KCNQ2: variants seen among roughly 807,000 people sequenced by gnomAD.
KCNQ2 encodes potassium voltage-gated channel subfamily KQT member 2.
In KCNQ2, 14 loss-of-function variants were observed where a neutral mutation model predicts 84.8. The ratio of observed to expected loss-of-function variants is 0.17; its 90% CI spans 0.11 to 0.26. KCNQ2 has a LOEUF of 0.26. Ranked by LOEUF, KCNQ2 falls within the 10% of genes least tolerant of loss-of-function variation. The pLI is 1.00. For missense variants in KCNQ2, 788 were observed against 1,254.0 expected (o/e 0.63, Z 5.61); for synonymous variants, 599 against 554.1 (o/e 1.08, Z -1.14).
At chr20:63,439,099 G>A (rs960169358) in intron 6 of KCNQ2, among the ~76,000 whole-genome samples, 2 of 152,184 alleles carry the variant, frequency 1.3e-5, no homozygotes, top group Non-Finnish European at 2.9e-5. Context: ...AGAGTCTGCA[G>A]GCCCATCTTG....
At chr20:63,472,071 G>C (rs1039212136) in intron 1 of KCNQ2, 97 bp downstream of exon 1, 2 of 920,628 alleles carry the variant, frequency 2.2e-6, no homozygotes, top group Non-Finnish European at 1.6e-6. Context: ...GGGGCAGGGA[G>C]CCAAACCCGC....
chr20:63,444,858 T>C, intron 3 of KCNQ2, 24 bp from the exon 4 acceptor site: 2 of 1,570,340 alleles, frequency 1.3e-6, no homozygotes, highest in Non-Finnish European at 1.7e-6. Flanking sequence ...GTGGAGCTGG[T>C]GAGCTGCTGG....
intron 11 of KCNQ2, 42 bp downstream of exon 11, chr20:63,424,135 G>T: frequency 1.3e-6 from 2 of 1,551,530 alleles, no homozygotes; most frequent in Non-Finnish European, 1.7e-6. Context: ...CCAGACGGCC[G>T]TGCACACGGC....
intron 12 of KCNQ2, among the ~76,000 whole-genome samples, chr20:63,416,359 C>T (rs1393872080): frequency 1.3e-5 from 2 of 152,188 alleles, no homozygotes; most frequent in African/African-American, 4.8e-5. Context: ...CTCCAGCGTC[C>T]GCCGGGCGAC....
chr20:63,416,838 G>A (rs921839569), intron 12 of KCNQ2, among the ~76,000 whole-genome samples: 8 of 152,192 alleles, frequency 5.3e-5, no homozygotes, highest in East Asian at 3.9e-4. Context: ...CTGGACACGC[G>A]GATCGCTTGG....
chr20:63,442,932 TCACCAC>T (rs768968500), intron 4 of KCNQ2, among the ~76,000 whole-genome samples: 2 of 10,578 alleles, frequency 1.9e-4, no homozygotes, highest in Non-Finnish European at 3.9e-4. Flanking sequence ...ACCATCACCA[TCACCAC>T]CACCATCACC....
chr20:63,413,707 C>G, intron 14 of KCNQ2, 126 bp from the exon 15 acceptor site: 2 of 1,031,728 alleles, frequency 1.9e-6, no homozygotes, highest in Non-Finnish European at 2.9e-6. Flanking sequence ...TCTTGTCTGC[C>G]GCCCACCAGC....
At chr20:63,413,769 G>T (rs997507713) in intron 14 of KCNQ2, among the ~76,000 whole-genome samples, 188 bp from the exon 15 acceptor site, 1 of 152,162 alleles carries the variant, frequency 6.6e-6, no homozygotes, top group East Asian at 1.9e-4. Flanking sequence ...GGACAGGTGG[G>T]GCTTGCAGGC....
chr20:63,413,642 G>A, intron 14 of KCNQ2, 61 bp from the exon 15 acceptor site: 3 of 1,603,246 alleles, frequency 1.9e-6, no homozygotes, highest in Non-Finnish European at 1.7e-6. Flanking sequence ...ACAGGCACCA[G>A]GACCTTCCTA....
chr20:63,414,833 G>A lies in KCNQ2; in HGVS notation c.1525+70C>T, dbSNP rs2080233867. On this transcript the variant is annotated intron_variant, in intron 13 of 16. Coordinates refer to ENST00000359125, the MANE Select transcript of KCNQ2 (RefSeq NM_172107.4). This position sits in a 1 kb window ranked among gnomAD's most constrained non-coding sequence, Gnocchi z 6.6. ...AAAGCAGCTGCGACGCCACAGGGTG[G>A]CCACAGTAGCGTGGCCACCACATCC... is the stretch of plus-strand genomic sequence containing the variant. The A allele has an allele frequency of 2.0e-6, 3 of 1,480,028 alleles. No individual in the cohort carries two copies. Among genetic ancestry groups the A allele is most frequent in the South Asian group, 1.1e-5 (1 of 88,532 alleles). 91.7% of individuals were successfully genotyped at this position (1,480,028 alleles called of 1,614,324 possible).
At chr20:63,450,177 C>T (rs1489911977) in intron 1 of KCNQ2, among the ~76,000 whole-genome samples, 3 of 151,410 alleles carry the variant, frequency 2.0e-5, no homozygotes, top group African/African-American at 7.3e-5. Context: ...TCCTCCCCCA[C>T]CCCTCCCTCA....
intron 5 of KCNQ2, among the ~76,000 whole-genome samples, chr20:63,440,521 C>T (rs1392211397): frequency 1.3e-5 from 2 of 152,206 alleles, no homozygotes; most frequent in Non-Finnish European, 2.9e-5. Flanking sequence ...GCACGGAGGC[C>T]ACTCTGGCTA....
intron 1 of KCNQ2, among the ~76,000 whole-genome samples, chr20:63,462,139 C>A (rs1289156227): frequency 2.1e-5 from 3 of 142,332 alleles, no homozygotes; most frequent in African/African-American, 8.0e-5. Flanking sequence ...TGCACCTACC[C>A]CGGGGCAGCA....
At chr20:63,457,500 C>A (rs1037499463) in intron 1 of KCNQ2, among the ~76,000 whole-genome samples, 2 of 152,264 alleles carry the variant, frequency 1.3e-5, no homozygotes, top group Non-Finnish European at 2.9e-5. Context: ...CCCGCCTGCA[C>A]CCACCTGGCA....
intron 11 of KCNQ2, among the ~76,000 whole-genome samples, chr20:63,421,583 G>A (rs1332958863): frequency 1.3e-5 from 2 of 152,210 alleles, no homozygotes; most frequent in Non-Finnish European, 2.9e-5. Context: ...CAGGCCCACA[G>A]TGAGCTCGAG....
At chr20:63,420,705 C>CG (rs1410184772) in intron 11 of KCNQ2, among the ~76,000 whole-genome samples, 1 of 152,086 alleles carries the variant, frequency 6.6e-6, no homozygotes, top group Non-Finnish European at 1.5e-5. Context: ...CTCAGCCGCC[C>CG]GGGTAGGCTG....
rs560916964 is a variant in KCNQ2 at position 63,462,720 on chromosome 20, A to C, written c.296+9448T>G. On this transcript the variant is annotated intron_variant, in intron 1 of 16. Transcript: ENST00000359125. ...AGATGTGCATGGAGCCCCACGCAGC[A>C]CCATTTGCAGCGGCAAAGTCCTAGC... Among the ~76,000 whole-genome samples, 14 of 152,338 alleles carry C rather than the reference A, an allele frequency of 9.2e-5. No individual in the cohort carries two copies. In the East Asian group the frequency reaches 2.5e-3, roughly 27 times the overall value.
intron 2 of KCNQ2, 138 bp from the exon 3 acceptor site, chr20:63,445,502 C>CA: frequency 2.5e-6 from 1 of 399,428 alleles, no homozygotes; most frequent in Non-Finnish European, 4.1e-6. Context: ...TGCAAGCTGA[C>CA]CCCCCCACCC....
At chr20:63,423,647 A>G (rs2080538444) in intron 11 of KCNQ2, 1 of 153,794 alleles carries the variant, frequency 6.5e-6, no homozygotes, top group Non-Finnish European at 1.4e-5. Context: ...GGCCAGCCAG[A>G]ATCTCCACCC....
Sources: allele counts gnomAD v4.1 joint callset (sites outside exome capture counted in the v4.1 genomes callset), GRCh38; gene constraint gnomAD v4.1.1; non-coding constraint Gnocchi (gnomAD v3.1); transcripts MANE v1.5; gene names NCBI Gene and HGNC (gene_info 2026-07-23, HGNC 2026-07-21).